Variants in ABCA13 observed in about 807,000 individuals in gnomAD.
ABCA13 encodes the protein ATP-binding cassette sub-family A member 13.
In ABCA13, 476 loss-of-function variants were observed where a neutral mutation model predicts 478.7. The observed-to-expected ratio is 0.99, with a 90% confidence interval of 0.92 to 1.07. The LOEUF (loss-of-function observed/expected upper bound fraction) is 1.07. ABCA13 is among the 50% of genes least tolerant of loss of function. ABCA13 has a pLI of 0.00. For missense variants in ABCA13, 6,060 were observed against 5,910.6 expected, an observed-to-expected ratio of 1.03 and a Z score of -0.83; for synonymous variants, 2,252 against 2,158.9, an observed-to-expected ratio of 1.04 and a Z score of -1.20.
chr7:48,538,096 TTTCC>T (rs1287433428), intron 55 of ABCA13, among the ~76,000 whole-genome samples: 1 of 136,386 alleles, frequency 7.3e-6, no homozygotes, highest in African/African-American at 2.8e-5. Context: ...TCTTTCTTTC[TTTCC>T]TTTTTTTTTT....
chr7:48,275,680 C>T lies in ABCA13; in HGVS notation c.6014C>T (p.Thr2005Ile), dbSNP rs906170400. Residue 2005 changes from threonine to isoleucine, a missense_variant, in exon 17 of 62, where the codon ACA becomes ATA. Thr to Ile is a moderately conservative substitution (Grantham distance 89). Transcript: ENST00000435803. ...ATTATTTCCTCAAATTTGGAAAGGA[C>T]AGTACAATTGATTTCTGAAGACTGG... is the stretch of plus-strand genomic sequence containing the variant. Reference protein sequence around the residue: ...QNIISSNLERTVQLISEDWSL... With the variant: ...QNIISSNLERIVQLISEDWSL... The T allele has an allele frequency of 1.3e-6, 2 of 1,599,436 alleles. No homozygotes were observed. The highest frequency in any genetic ancestry group is 1.7e-6 in the Non-Finnish European group (2 of 1,172,030).
At chr7:48,518,076 A>T (rs1436861579) in intron 52 of ABCA13, among the ~76,000 whole-genome samples, 9 of 152,202 alleles carry the variant, frequency 5.9e-5, no homozygotes, top group Admixed American at 2.6e-4. Flanking sequence ...CAGTGATGGT[A>T]ATAATCTATT....
intron 41 of ABCA13, among the ~76,000 whole-genome samples, chr7:48,414,856 G>C (rs1297377861): frequency 6.6e-6 from 1 of 152,148 alleles, no homozygotes; most frequent in Non-Finnish European, 1.5e-5. Context: ...CCTGGAACAA[G>C]TCTGTCAAAA....
Position 48,295,983 on chromosome 7 carries a change from A to G in ABCA13, c.9119+120A>G, listed in dbSNP as rs1284936425. 4.2e-6 allele frequency: 5 copies of G among 1,184,768 alleles called. No individual in the cohort carries two copies. In the South Asian group the frequency reaches 1.5e-4, roughly 36 times the overall value. The allele number at this position is 1,184,768 out of a possible 1,614,324, so 73.4% of individuals were successfully genotyped here. ...TGTATAATATACTCTTAATGTGCAT[A>G]TTAATATATATTTTCCAAACATCAA... is the stretch of plus-strand genomic sequence containing the variant. On this transcript the variant is annotated intron_variant, in intron 21 of 61. Transcript: ENST00000435803.
intron 43 of ABCA13, among the ~76,000 whole-genome samples, chr7:48,463,290 G>T (rs1177330891): frequency 3.9e-5 from 6 of 152,198 alleles, no homozygotes; most frequent in Admixed American, 3.3e-4. Context: ...ACTGGACGAA[G>T]TTCCGAATCA....
chr7:48,523,710 GA>G (rs1321417862), intron 53 of ABCA13, among the ~76,000 whole-genome samples: 2 of 152,038 alleles, frequency 1.3e-5, no homozygotes, highest in African/African-American at 4.8e-5. Context: ...CAGATTTAGA[GA>G]AAATAAGAGT....
At position 48,275,966 on chromosome 7, in the gene ABCA13, G is replaced by A. The variant is rs752008460; in HGVS notation, c.6300G>A (p.Gln2100=). The change falls in exon 17 of 62, where the codon CAG becomes CAA. Residue 2100 remains glutamine (Q), a synonymous_variant. Transcript: ENST00000435803. Reference sequence around the variant, plus strand: ...TGGCTCTTCAAAAGATAACTTTGCAGTTTGCCCATTTCCTGGAAATCCTGG... The same window carrying A: ...TGGCTCTTCAAAAGATAACTTTGCAATTTGCCCATTTCCTGGAAATCCTGG... ...NSMALQKITL[Q]FAHFLEILDS... is the part of the protein sequence containing the mutation. 6.2e-7 allele frequency: 1 copy of A among 1,613,616 alleles called. No individual in the cohort carries two copies. Among genetic ancestry groups the A allele is most frequent in the Non-Finnish European group, 8.5e-7 (1 of 1,179,772 alleles).
chr7:48,414,791 G>A (rs935677613), intron 41 of ABCA13, among the ~76,000 whole-genome samples: 11 of 152,018 alleles, frequency 7.2e-5, no homozygotes, highest in Non-Finnish European at 1.5e-4. Flanking sequence ...CTTTAAAATG[G>A]AAAAATCAGA....
chr7:48,271,561 T>A (rs1795614093), intron 16 of ABCA13, among the ~76,000 whole-genome samples: 1 of 152,164 alleles, frequency 6.6e-6, no homozygotes. Context: ...GAGAATGCTT[T>A]CTTTTTGGTG....
intron 55 of ABCA13, among the ~76,000 whole-genome samples, chr7:48,546,170 C>T (rs190227707): frequency 6.6e-6 from 1 of 151,946 alleles, no homozygotes; most frequent in Admixed American, 6.6e-5. Flanking sequence ...CCACTAGCCA[C>T]TTGTAGCATC....
rs1817910280 is a variant in ABCA13, at chr7:48,403,742, GA to G, written c.11934del (p.Gly3979AlafsTer2). 6.2e-7 allele frequency: 1 copy of G among 1,613,852 alleles called. No homozygotes were observed. The highest frequency in any genetic ancestry group is 8.5e-7 in the Non-Finnish European group (1 of 1,179,884). On this transcript the variant is annotated frameshift_variant, in exon 39 of 62. Transcript: ENST00000435803. LOFTEE classifies it high-confidence loss of function. Reference sequence around the variant, plus strand: ...CACAAACAGACCCGAGCTCTGTCTGGAGGCCTGAAGAGGAAGCTCTCCCTTG... The same window carrying G: ...CACAAACAGACCCGAGCTCTGTCTGGGGCCTGAAGAGGAAGCTCTCCCTTG... ...HQHKQTRALSGGLKRKLSLGI... is the reference protein window; with the variant it reads ...HQHKQTRALSXGLKRKLSLGI...
intron 43 of ABCA13, among the ~76,000 whole-genome samples, chr7:48,455,613 G>A (rs1342934734): frequency 5.9e-5 from 9 of 152,216 alleles, no homozygotes; most frequent in African/African-American, 2.2e-4. Flanking sequence ...TGCCCCACAG[G>A]AGGGCGGGAT....
intron 33 of ABCA13, among the ~76,000 whole-genome samples, chr7:48,373,512 C>T (rs913432389): frequency 1.3e-5 from 2 of 152,178 alleles, no homozygotes; most frequent in Non-Finnish European, 2.9e-5. Flanking sequence ...TGGTTATATT[C>T]CATCAGTGTT....
intron 31 of ABCA13, among the ~76,000 whole-genome samples, chr7:48,364,140 C>T (rs1181061697): frequency 6.6e-6 from 1 of 152,108 alleles, no homozygotes; most frequent in African/African-American, 2.4e-5. Context: ...GACCTTACAG[C>T]TCAAAAGCTT....
At chr7:48,349,839 C>A (rs1409411690) in intron 29 of ABCA13, among the ~76,000 whole-genome samples, 1 of 152,218 alleles carries the variant, frequency 6.6e-6, no homozygotes. Context: ...CAGTGAGATA[C>A]AGGAGGGCCA....
Position 48,471,596 on chromosome 7 carries a change from C to A in ABCA13, c.12972C>A (p.Cys4324Ter). The change falls in exon 45 of 62, where the codon TGC becomes TGA. Residue 4324 changes from cysteine (C) to a stop codon, truncating the protein, a stop_gained. Coordinates refer to ENST00000435803, the MANE Select transcript of ABCA13 (RefSeq NM_152701.5). LOFTEE classifies it high-confidence loss of function. ...CAGAATTCCAGGATTCATGTGGCTG[C>A]CTGGTAGGTTTCTGCAGCATTTTTG... ...SHPEFQDSCGCLKCPNRSASA... is the reference protein window; with the variant it reads ...SHPEFQDSCG 1 of 1,561,204 alleles carries A rather than the reference C, an allele frequency of 6.4e-7. No homozygotes were observed.
At chr7:48,398,458 A>C (rs1817155088) in intron 38 of ABCA13, among the ~76,000 whole-genome samples, 1 of 152,154 alleles carries the variant, frequency 6.6e-6, no homozygotes, top group African/African-American at 2.4e-5. Flanking sequence ...CAAACATCTG[A>C]TTTAGATCCA....
chr7:48,551,972 G>A (rs1162637162), intron 55 of ABCA13, among the ~76,000 whole-genome samples: 1 of 151,632 alleles, frequency 6.6e-6, no homozygotes, highest in African/African-American at 2.4e-5. Flanking sequence ...CATGTTTTAT[G>A]TTCTTTCCTC....
chr7:48,413,714 G>A (rs1819573959), intron 41 of ABCA13, among the ~76,000 whole-genome samples: 2 of 152,140 alleles, frequency 1.3e-5, no homozygotes, highest in African/African-American at 4.8e-5. Flanking sequence ...AATCAGTGTG[G>A]TCCCAAGTAG....
Sources: gnomAD v4.1 joint callset for allele counts (sites outside exome capture counted in the v4.1 genomes callset) on GRCh38, gnomAD v4.1.1 for gene constraint, MANE v1.5 for transcripts, NCBI Gene and HGNC (gene_info 2026-07-23, HGNC 2026-07-21) for gene names.